Variants in SRSF8 observed in about 807,000 individuals in gnomAD.
SRSF8 encodes serine and arginine rich splicing factor 8.
Under a neutral mutation model 2.0 loss-of-function variants are expected in SRSF8, and 3 were observed. That is an observed-to-expected ratio of 1.47 (90% CI 0.67 to 3.79). The LOEUF is 3.79. SRSF8 is among the 30% of genes most tolerant of loss of function. SRSF8 has a pLI of 0.02. For missense variants in SRSF8, 408 were observed against 410.9 expected (o/e 0.99, Z 0.06); for synonymous variants, 162 against 170.7 (o/e 0.95, Z 0.40).
Position 95,067,495 on chromosome 11 carries a change from C to A in SRSF8, c.269C>A (p.Ala90Glu), listed in dbSNP as rs782633852. 1 of 1,475,478 alleles carries A rather than the reference C, an allele frequency of 6.8e-7. No individual in the cohort carries two copies. Among genetic ancestry groups the A allele is most frequent in the South Asian group, 1.3e-5 (1 of 77,514 alleles). 91.4% of individuals were successfully genotyped at this position (1,475,478 alleles called of 1,614,324 possible). ...GGACGCGAGCTGCGGGTGCAGGTGGCGCGCTATGGCCGCCGGGACCTGCCC... is the reference window on the plus strand; with the variant it reads ...GGACGCGAGCTGCGGGTGCAGGTGGAGCGCTATGGCCGCCGGGACCTGCCC... ...LDGRELRVQV[A>E]RYGRRDLPRS... is the part of the protein sequence containing the mutation. Residue 90 changes from alanine to glutamate, a missense_variant, in exon 1 of 1, where the codon GCG becomes GAG. This residue lies in a region of SRSF8 where 346 missense variants were observed against 316.5 expected (regional missense o/e 1.09). Coordinates refer to ENST00000587424, the MANE Select transcript of SRSF8 (RefSeq NM_032102.4).
chr11:95,067,758 T>C lies in SRSF8; in HGVS notation c.532T>C (p.Ser178Pro), dbSNP rs1438827890. The C allele has an allele frequency of 1.4e-5, 23 of 1,613,880 alleles. No homozygotes were observed. The highest frequency in any genetic ancestry group is 1.9e-5 in the Non-Finnish European group (22 of 1,179,876). The change falls in exon 1 of 1, where the codon TCT (serine) becomes CCT (proline). Residue 178 changes from serine to proline, a missense_variant. Ser to Pro is a moderately conservative substitution (Grantham distance 74). This residue lies in a region of SRSF8 where 346 missense variants were observed against 316.5 expected (regional missense o/e 1.09). Transcript: ENST00000587424. ...CTACAGCCGCTCTCCCTACAGCAGA[T>C]CTCGCTACAGGGAATCTCGCTACGG... ...SRYSRSPYSRSRYRESRYGGS... is the reference protein window; with the variant it reads ...SRYSRSPYSRPRYRESRYGGS...
chr11:95,067,755 A>G lies in SRSF8; in HGVS notation c.529A>G (p.Arg177Gly), dbSNP rs1305643146. 2 of 1,613,890 alleles carry G rather than the reference A, an allele frequency of 1.2e-6. No homozygotes were observed. The highest frequency in any genetic ancestry group is 1.3e-5 in the African/African-American group (1 of 74,922). ...RSRYSRSPYS[R>G]SRYRESRYGG... is the part of the protein sequence containing the mutation. ...GCGCTACAGCCGCTCTCCCTACAGCAGATCTCGCTACAGGGAATCTCGCTA... is the reference window on the plus strand; with the variant it reads ...GCGCTACAGCCGCTCTCCCTACAGCGGATCTCGCTACAGGGAATCTCGCTA... Residue 177 changes from arginine to glycine, a missense_variant, in exon 1 of 1, where the codon AGA becomes GGA. Arg to Gly is a moderately radical substitution (Grantham distance 125). Around this residue, in one of 2 missense-constraint regions of SRSF8, gnomAD observed 346 missense variants for 316.5 expected, o/e 1.09. Coordinates refer to ENST00000587424, the MANE Select transcript of SRSF8 (RefSeq NM_032102.4).
rs1326479402 is a variant in SRSF8 at position 95,067,554 on chromosome 11, A to G, written c.328A>G (p.Arg110Gly). ...CCAGGGAGAGCCACGCGGCAGGTCC[A>G]GAGGCGGCGGCTACGGACGGCGGAG... ...SRQGEPRGRS[R>G]GGGYGRRSRS... Residue 110 changes from arginine (R) to glycine (G), a missense_variant, in exon 1 of 1, where the codon AGA becomes GGA. By Grantham distance (125) the Arg-to-Gly change is moderately radical. This residue lies in a region of SRSF8 where 346 missense variants were observed against 316.5 expected (regional missense o/e 1.09). Coordinates refer to ENST00000587424, the MANE Select transcript of SRSF8 (RefSeq NM_032102.4). 3.1e-5 allele frequency: 47 copies of G among 1,540,788 alleles called. No individual in the cohort carries two copies. The highest frequency in any genetic ancestry group is 3.8e-5 in the Non-Finnish European group (44 of 1,143,686).
At position 95,069,014 on chromosome 11, in the gene SRSF8, G is replaced by A. The variant is rs1477296803; in HGVS notation, c.*939G>A. On this transcript the variant is annotated 3_prime_UTR_variant, in exon 1 of 1. Coordinates refer to ENST00000587424, the MANE Select transcript of SRSF8 (RefSeq NM_032102.4). ...AAGTTTGTTAAGTACTTATAACATGGTTTATCTTTTTGATTATTAATTTTT... is the reference window on the plus strand; with the variant it reads ...AAGTTTGTTAAGTACTTATAACATGATTTATCTTTTTGATTATTAATTTTT... The A allele has an allele frequency of 2.4e-5, 4 of 166,724 alleles. No homozygotes were observed. Among genetic ancestry groups the A allele is most frequent in the Non-Finnish European group, 5.9e-5 (4 of 68,092 alleles). The allele number at this position is 166,724 out of a possible 1,614,324, so 10.3% of individuals were successfully genotyped here. A position where few individuals can be genotyped will look rare whatever the true frequency, so the allele number is the denominator to read the frequency against.
chr11:95,068,232 G>T lies in SRSF8; in HGVS notation c.*157G>T. ...TTTGCCAGTTTGAAGCTTTGCATCAGGTGGCAAAATTCATTCTATGTGCCG... is the reference window on the plus strand; with the variant it reads ...TTTGCCAGTTTGAAGCTTTGCATCATGTGGCAAAATTCATTCTATGTGCCG... On this transcript the variant is annotated 3_prime_UTR_variant, in exon 1 of 1. Transcript: ENST00000587424. 1 of 741,742 alleles carries T rather than the reference G, an allele frequency of 1.3e-6. No individual in the cohort carries two copies. Among genetic ancestry groups the T allele is most frequent in the Non-Finnish European group, 2.2e-6 (1 of 457,886 alleles). The allele number at this position is 741,742 out of a possible 1,614,324, so 45.9% of individuals were successfully genotyped here. A position where few individuals can be genotyped will look rare whatever the true frequency, so the allele number is the denominator to read the frequency against.
Position 95,067,199 on chromosome 11 carries a change from T to C in SRSF8, c.-28T>C, listed in dbSNP as rs1168802198. Reference sequence around the variant, plus strand: ...CCGTCAGCGCCCAGAGCAGCGCCAGTTTCCGGGCCCGGGCTGCTCTCGGAG... The same window carrying C: ...CCGTCAGCGCCCAGAGCAGCGCCAGCTTCCGGGCCCGGGCTGCTCTCGGAG... On this transcript the variant is annotated 5_prime_UTR_variant, in exon 1 of 1. Transcript: ENST00000587424. The C allele has an allele frequency of 1.4e-6, 2 of 1,430,884 alleles. No homozygotes were observed. The highest frequency in any genetic ancestry group is 1.8e-6 in the Non-Finnish European group (2 of 1,083,910). The allele number at this position is 1,430,884 out of a possible 1,614,324, so 88.6% of individuals were successfully genotyped here.
Position 95,068,249 on chromosome 11 carries a change from T to C in SRSF8, c.*174T>C. On this transcript the variant is annotated 3_prime_UTR_variant, in exon 1 of 1. Coordinates refer to ENST00000587424, the MANE Select transcript of SRSF8 (RefSeq NM_032102.4). ...TTGCATCAGGTGGCAAAATTCATTCTATGTGCCGTTTTGTTGTTATTCACA... is the reference window on the plus strand; with the variant it reads ...TTGCATCAGGTGGCAAAATTCATTCCATGTGCCGTTTTGTTGTTATTCACA... The C allele has an allele frequency of 3.1e-6, 2 of 640,820 alleles. No individual in the cohort carries two copies. Among genetic ancestry groups the C allele is most frequent in the Non-Finnish European group, 5.5e-6 (2 of 365,436 alleles). The allele number at this position is 640,820 out of a possible 1,614,324, so 39.7% of individuals were successfully genotyped here.
Position 95,067,346 on chromosome 11 carries a change from G to C in SRSF8, c.120G>C (p.Val40=). ...GCGTGTTCGAGAAGTACGGGCGCGT[G>C]GGCGACGTGTACATCCCGCGGGAGC... ...LRRVFEKYGR[V]GDVYIPREPH... is the part of the protein sequence containing the mutation. Residue 40 remains valine, a synonymous_variant, in exon 1 of 1, where the codon GTG becomes GTC. Transcript: ENST00000587424. The C allele has an allele frequency of 1.2e-6, 2 of 1,603,780 alleles. No individual in the cohort carries two copies. Among genetic ancestry groups the C allele is most frequent in the South Asian group, 1.1e-5 (1 of 89,488 alleles).
At position 95,067,244 on chromosome 11, in the gene SRSF8, C is replaced by T. The variant is rs958967928; in HGVS notation, c.18C>T (p.Pro6=). The change falls in exon 1 of 1, where the codon CCC becomes CCT. Residue 6 remains proline (P), a synonymous_variant. Coordinates refer to ENST00000587424, the MANE Select transcript of SRSF8 (RefSeq NM_032102.4). The stretch of plus-strand genomic sequence containing the variant: ...TCGGAGCCATGAGCTGCGGCCGCCC[C>T]CCTCCCGACGTGGACGGCATGATCA... The part of the protein sequence containing the change: MSCGR[P]PPDVDGMITL... The T allele has an allele frequency of 1.3e-6, 2 of 1,540,442 alleles. No individual in the cohort carries two copies. Among genetic ancestry groups the T allele is most frequent in the Non-Finnish European group, 1.8e-6 (2 of 1,139,884 alleles).
At position 95,066,999 on chromosome 11, in the gene SRSF8, T is replaced by A. The variant is rs1555106883; in HGVS notation, c.-228T>A. ...TTCGGGGCCTGGCTTCATTTGGAGT[T>A]CAGCTACCAAAAGGAAACCTTCCTC... On this transcript the variant is annotated 5_prime_UTR_variant, in exon 1 of 1. Coordinates refer to ENST00000587424, the MANE Select transcript of SRSF8 (RefSeq NM_032102.4). Among the ~76,000 whole-genome samples the A allele has an allele frequency of 6.6e-6, 1 of 152,238 alleles. No homozygotes were observed.
Position 95,067,792 on chromosome 11 carries a change from A to G in SRSF8, c.566A>G (p.His189Arg), listed in dbSNP as rs1858676391. Residue 189 changes from histidine (H) to arginine (R), a missense_variant, in exon 1 of 1, where the codon CAC becomes CGC. Physicochemically the swap from His to Arg is conservative, Grantham distance 29. Coordinates refer to ENST00000587424, the MANE Select transcript of SRSF8 (RefSeq NM_032102.4). ...AGGGAATCTCGCTACGGCGGATCTCACTACAGCTCATCTGGTTACAGTAAC... is the reference window on the plus strand; with the variant it reads ...AGGGAATCTCGCTACGGCGGATCTCGCTACAGCTCATCTGGTTACAGTAAC... ...RYRESRYGGSHYSSSGYSNSR... is the reference protein window; with the variant it reads ...RYRESRYGGSRYSSSGYSNSR... 6.2e-7 allele frequency: 1 copy of G among 1,613,974 alleles called. No individual in the cohort carries two copies. Among genetic ancestry groups the G allele is most frequent in the South Asian group, 1.1e-5 (1 of 91,088 alleles).
Position 95,067,420 on chromosome 11 carries a change from G to A in SRSF8, c.194G>A (p.Arg65Gln), listed in dbSNP as rs782229223. The A allele has an allele frequency of 8.3e-6, 13 of 1,561,098 alleles. 1 individual carries two copies. The highest frequency in any genetic ancestry group is 7.1e-5 in the South Asian group (6 of 84,622). The change falls in exon 1 of 1, where the codon CGG becomes CAG. Residue 65 changes from arginine (R) to glutamine (Q), a missense_variant. By Grantham distance (43) the Arg-to-Gln change is conservative. Transcript: ENST00000587424. ...TTCGCTTTCGTCCGCTTTCACGACCGGCGCGACGCCCAAGACGCCGAGGCC... is the reference window on the plus strand; with the variant it reads ...TTCGCTTTCGTCCGCTTTCACGACCAGCGCGACGCCCAAGACGCCGAGGCC... ...RGFAFVRFHD[R>Q]RDAQDAEAAM...
rs571148647 is a variant in SRSF8 at position 95,067,041 on chromosome 11, T to C, written c.-186T>C. Among the ~76,000 whole-genome samples the C allele has an allele frequency of 2.3e-4, 35 of 152,364 alleles. No individual in the cohort carries two copies. Among genetic ancestry groups the C allele is most frequent in the Admixed American group, 2.0e-3 (30 of 15,312 alleles). On this transcript the variant is annotated 5_prime_UTR_variant, in exon 1 of 1. Coordinates refer to ENST00000587424, the MANE Select transcript of SRSF8 (RefSeq NM_032102.4). ...ACCTTCCTCTGGGTCCTGGAGTATT[T>C]GGCCTGAAATTGGGAACTCGGAAGT...
chr11:95,068,183 GGTT>G lies in SRSF8; in HGVS notation c.*111_*113del. The G allele has an allele frequency of 1.7e-6, 2 of 1,145,904 alleles. No individual in the cohort carries two copies. Among genetic ancestry groups the G allele is most frequent in the South Asian group, 1.7e-5 (1 of 60,132 alleles). The allele number at this position is 1,145,904 out of a possible 1,614,324, so 71.0% of individuals were successfully genotyped here. On this transcript the variant is annotated 3_prime_UTR_variant, in exon 1 of 1. Coordinates refer to ENST00000587424, the MANE Select transcript of SRSF8 (RefSeq NM_032102.4). The stretch of plus-strand genomic sequence containing the variant: ...GGAAGAAGAGGCTGCCTATTGAAAA[GGTT>G]GTGTCACACTTTTCTACCTTTTTGC...
rs1858662953 is a variant in SRSF8, at chr11:95,067,412, T to C, written c.186T>C (p.Phe62=). Residue 62 remains phenylalanine, a synonymous_variant, in exon 1 of 1, where the codon TTT becomes TTC. Coordinates refer to ENST00000587424, the MANE Select transcript of SRSF8 (RefSeq NM_032102.4). The part of the protein sequence containing the change: ...KAPRGFAFVR[F]HDRRDAQDAE... ...CCCGGGGCTTCGCTTTCGTCCGCTT[T>C]CACGACCGGCGCGACGCCCAAGACG... is the stretch of plus-strand genomic sequence containing the variant. 6.4e-7 allele frequency: 1 copy of C among 1,568,848 alleles called. No individual in the cohort carries two copies.
rs1294229255 is a variant in SRSF8, at chr11:95,068,693, T to G, written c.*618T>G. 1 of 169,594 alleles carries G rather than the reference T, an allele frequency of 5.9e-6. No homozygotes were observed. The highest frequency in any genetic ancestry group is 2.4e-5 in the African/African-American group (1 of 41,476). The allele number at this position is 169,594 out of a possible 1,614,324, so 10.5% of individuals were successfully genotyped here. ...GCAGTTGAGTGATGCTGGTTAGCTA[T>G]TAAGGTGGCCTGTTGCAGTGCAGAG... On this transcript the variant is annotated 3_prime_UTR_variant, in exon 1 of 1. Transcript: ENST00000587424.
At position 95,068,651 on chromosome 11, in the gene SRSF8, C is replaced by T. The variant is rs1486418191; in HGVS notation, c.*576C>T. On this transcript the variant is annotated 3_prime_UTR_variant, in exon 1 of 1. Transcript: ENST00000587424. ...CTAATCTCTTTTGTGTTTTTGTGCA[C>T]CAGGCCCGGCTGCGTAGCAGTTGAG... 1 of 170,936 alleles carries T rather than the reference C, an allele frequency of 5.9e-6. No individual in the cohort carries two copies. The highest frequency in any genetic ancestry group is 1.4e-5 in the Non-Finnish European group (1 of 70,312). The allele number at this position is 170,936 out of a possible 1,614,324, so 10.6% of individuals were successfully genotyped here.
At position 95,068,284 on chromosome 11, in the gene SRSF8, A is replaced by G; in HGVS notation, c.*209A>G. ...TTTGTTGTTATTCACATTTTATTGT[A>G]ACTTAGGAGGTGAACGACCTAAGAT... On this transcript the variant is annotated 3_prime_UTR_variant, in exon 1 of 1. Transcript: ENST00000587424. 1.7e-6 allele frequency: 1 copy of G among 586,424 alleles called. No individual in the cohort carries two copies. The highest frequency in any genetic ancestry group is 2.2e-5 in the South Asian group (1 of 44,454). The allele number at this position is 586,424 out of a possible 1,614,324, so 36.3% of individuals were successfully genotyped here.
At position 95,068,343 on chromosome 11, in the gene SRSF8, T is replaced by A. The variant is rs1417501293; in HGVS notation, c.*268T>A. 2 of 429,270 alleles carry A rather than the reference T, an allele frequency of 4.7e-6. No homozygotes were observed. Among genetic ancestry groups the A allele is most frequent in the Non-Finnish European group, 8.8e-6 (2 of 226,684 alleles). 26.6% of individuals were successfully genotyped at this position (429,270 alleles called of 1,614,324 possible). A position where few individuals can be genotyped will look rare whatever the true frequency, so the allele number is the denominator to read the frequency against. ...TGGGTTTGGATATTTGAGGCAAAAA[T>A]TTATTTTTATTTCTATAGTGATGAC... On this transcript the variant is annotated 3_prime_UTR_variant, in exon 1 of 1. Transcript: ENST00000587424.
Sources: allele counts gnomAD v4.1 joint callset (sites outside exome capture counted in the v4.1 genomes callset), GRCh38; gene constraint gnomAD v4.1.1; regional missense constraint gnomAD v4.1.1; transcripts MANE v1.5; gene names NCBI Gene and HGNC (gene_info 2026-07-23, HGNC 2026-07-21).